DAB2: variants seen among roughly 807,000 people sequenced by gnomAD.
DAB2 encodes DAB adaptor protein 2.
Under a neutral mutation model 71.6 loss-of-function variants are expected in DAB2, and 28 were observed. The ratio of observed to expected loss-of-function variants is 0.39; its 90% CI spans 0.29 to 0.54. The LOEUF (loss-of-function observed/expected upper bound fraction) is 0.54, where lower values mean the gene tolerates loss of function less well. Ranked by LOEUF, DAB2 falls within the 20% of genes least tolerant of loss-of-function variation. DAB2 has a pLI of 0.68. For missense variants in DAB2, 867 were observed against 928.8 expected, an observed-to-expected ratio of 0.93 and a Z score of 0.86; for synonymous variants, 345 against 339.7, an observed-to-expected ratio of 1.02 and a Z score of -0.17.
In DAB2 at chr5:39,377,072, A is replaced by G. The variant is rs200003181; in HGVS notation, c.1715T>C (p.Val572Ala). 1.1e-4 allele frequency: 175 copies of G among 1,614,146 alleles called. 1 individual carries two copies. The East Asian group carries it at 2.8e-3, about 25-fold the overall frequency. ...TGCCACAGATGCAGAAGGGCCCCAG[A>G]CAACAGGCACTGGAGGGGGAGTTGA... ...AASTPPPVPVVWGPSASVAPN... is the reference protein window; with the variant it reads ...AASTPPPVPVAWGPSASVAPN... Residue 572 changes from valine to alanine, a missense_variant, in exon 12 of 15, where the codon GTC (valine) becomes GCC (alanine). Physicochemically the swap from Val to Ala is moderately conservative, Grantham distance 64 (BLOSUM62 0). Coordinates refer to ENST00000320816, the MANE Select transcript of DAB2 (RefSeq NM_001343.4).
At chr5:39,383,303 T>A in intron 9 of DAB2, 32 bp from the exon 10 acceptor site, 1 of 1,495,640 alleles carries the variant, frequency 6.7e-7, no homozygotes. Flanking sequence ...AAAAAGAAAG[T>A]GTTAGTCCAT....
At position 39,415,083 on chromosome 5, in the gene DAB2, AAGT is replaced by A. The variant is rs1372656965; in HGVS notation, c.-102+9718_-102+9720del. Among the ~76,000 whole-genome samples the A allele has an allele frequency of 2.0e-5, 3 of 152,148 alleles. No homozygotes were observed. In the East Asian group the frequency reaches 5.8e-4, roughly 29 times the overall value. The stretch of plus-strand genomic sequence containing the variant: ...AATAATACTTCATAAAAGGAAGAAA[AAGT>A]AGTATTACATCAAGGAATTATATAT... On this transcript the variant is annotated intron_variant, in intron 1 of 14. Transcript: ENST00000320816.
chr5:39,403,773 T>C (rs1755551678), intron 1 of DAB2, among the ~76,000 whole-genome samples: 1 of 151,738 alleles, frequency 6.6e-6, no homozygotes, highest in Admixed American at 6.6e-5. Context: ...TTGGCAACTT[T>C]CAATACTCTG....
At chr5:39,396,797 A>G (rs1205205232) in intron 1 of DAB2, among the ~76,000 whole-genome samples, 1 of 152,192 alleles carries the variant, frequency 6.6e-6, no homozygotes, top group Non-Finnish European at 1.5e-5. Flanking sequence ...TCTCTGAATG[A>G]AAGACAGTTG....
rs575754357 is a variant in DAB2, at chr5:39,422,639, T to C, written c.-102+2165A>G. On this transcript the variant is annotated intron_variant, in intron 1 of 14. Coordinates refer to ENST00000320816, the MANE Select transcript of DAB2 (RefSeq NM_001343.4). This position sits in a 1 kb window ranked among gnomAD's most constrained non-coding sequence, Gnocchi z 4.1. The stretch of plus-strand genomic sequence containing the variant: ...CCAGGAGCACTCAGCAAGGAAGATA[T>C]CTTCCTGCTCCCTTAACCTTCAGAT... Among the ~76,000 whole-genome samples, 3 of 152,204 alleles carry C rather than the reference T, an allele frequency of 2.0e-5. No individual in the cohort carries two copies. The highest frequency in any genetic ancestry group is 7.2e-5 in the African/African-American group (3 of 41,530).
intron 13 of DAB2, among the ~76,000 whole-genome samples, 181 bp downstream of exon 13, chr5:39,375,816 G>A (rs1366967026): frequency 1.3e-5 from 2 of 152,208 alleles, no homozygotes; most frequent in African/African-American, 4.8e-5. Flanking sequence ...AACTCAGGAA[G>A]TGGAGGTTGC....
intron 3 of DAB2, among the ~76,000 whole-genome samples, chr5:39,392,836 G>A (rs191493637): frequency 1.9e-4 from 29 of 152,250 alleles, no homozygotes; most frequent in African/African-American, 6.0e-4. Context: ...AAACAGAAAG[G>A]CTAGCGCTAA....
rs1398759028 is a variant in DAB2, at chr5:39,377,235, A to T, written c.1552T>A (p.Ser518Thr). The change falls in exon 12 of 15, where the codon TCT becomes ACT. Residue 518 changes from serine to threonine, a missense_variant. Ser to Thr is a moderately conservative substitution (Grantham distance 58). Around this residue, in one of 2 missense-constraint regions of DAB2, gnomAD observed 740 missense variants for 734.3 expected, o/e 1.01. Transcript: ENST00000320816. ...GAAGGGGACTGATTGAAGACCAAAG[A>T]TGCTGTGTTCCATGGTCCTGCCTGA... is the stretch of plus-strand genomic sequence containing the variant. ...LPQAGPWNTA[S>T]LVFNQSPSMA... 6.2e-7 allele frequency: 1 copy of T among 1,614,118 alleles called. No individual in the cohort carries two copies. Among genetic ancestry groups the T allele is most frequent in the East Asian group, 2.2e-5 (1 of 44,880 alleles).
At chr5:39,378,170 T>C (rs1754876401) in intron 11 of DAB2, among the ~76,000 whole-genome samples, 1 of 152,186 alleles carries the variant, frequency 6.6e-6, no homozygotes, top group Non-Finnish European at 1.5e-5. Flanking sequence ...GACCTTGCTA[T>C]GTCATCAGGA....
Position 39,394,391 on chromosome 5 carries a change from G to C in DAB2, c.-71C>G, listed in dbSNP as rs1050903. On this transcript the variant is annotated 5_prime_UTR_variant, in exon 2 of 15. Transcript: ENST00000320816. ...GACACCAGGCGATCCCGATGGAGAA[G>C]TCTCAAATAAACATAACCTCCCACA... 272,037 of 1,170,466 alleles carry C rather than the reference G, an allele frequency of 0.23. 32,588 individuals carry two copies. The highest frequency in any genetic ancestry group is 0.3 in the Admixed American group (17,922 of 58,954). 72.5% of individuals were successfully genotyped at this position (1,170,466 alleles called of 1,614,324 possible).
chr5:39,404,265 G>T, intron 1 of DAB2, among the ~76,000 whole-genome samples: 1 of 104,150 alleles, frequency 9.6e-6, no homozygotes, highest in Non-Finnish European at 1.9e-5. Flanking sequence ...GAGGGGGGAG[G>T]GATAGCATTA....
intron 1 of DAB2, among the ~76,000 whole-genome samples, chr5:39,407,938 C>T (rs1755643462): frequency 6.6e-6 from 1 of 152,212 alleles, no homozygotes; most frequent in Admixed American, 6.5e-5. Context: ...TCTTAAACTT[C>T]TCCTCTTCCG....
rs144820961 is a variant in DAB2, at chr5:39,395,905, T to G, written c.-101-1484A>C. On this transcript the variant is annotated intron_variant, in intron 1 of 14. Transcript: ENST00000320816. ...GTGAGTATTACTGTATCATATTTCA[T>G]TTTCCAGAGGGAAGGCTAAGACACA... 4.0e-5 allele frequency among the ~76,000 whole-genome samples: 6 copies of G among 148,646 alleles called. No homozygotes were observed. The East Asian group carries it at 1.2e-3, about 30-fold the overall frequency.
chr5:39,374,807 A>AT (rs1290061471), intron 14 of DAB2: 23 of 513,010 alleles, frequency 4.5e-5, no homozygotes, highest in Middle Eastern at 5.1e-4. Context: ...GTATATTACT[A>AT]TTTTTTGATG....
chr5:39,388,711 T>C (rs1755153973), intron 8 of DAB2, 88 bp downstream of exon 8: 14 of 1,082,070 alleles, frequency 1.3e-5, no homozygotes, highest in Non-Finnish European at 1.8e-5. Context: ...ATAGATTCAA[T>C]ACAGATTTGG....
chr5:39,419,029 G>C (rs184152223), intron 1 of DAB2, among the ~76,000 whole-genome samples: 1 of 152,272 alleles, frequency 6.6e-6, no homozygotes, highest in Admixed American at 6.5e-5. Flanking sequence ...ATCTATGTTG[G>C]CTTTTCAAAA....
At chr5:39,417,197 G>T (rs1281616069) in intron 1 of DAB2, 2 of 151,994 alleles carry the variant, frequency 1.3e-5, no homozygotes, top group Admixed American at 6.6e-5. Flanking sequence ...ACCTAATGTA[G>T]GTGATGGGTT....
chr5:39,388,260 T>C (rs1240836747), intron 9 of DAB2, 45 bp downstream of exon 9: 12 of 1,387,688 alleles, frequency 8.6e-6, no homozygotes, highest in African/African-American at 1.4e-5. Flanking sequence ...ATTTGAGTTA[T>C]AGATGTCATT....
intron 9 of DAB2, 22 bp from the exon 10 acceptor site, chr5:39,383,293 A>C: frequency 6.4e-7 from 1 of 1,557,698 alleles, no homozygotes; most frequent in South Asian, 1.2e-5. Flanking sequence ...GGAAAGAAAA[A>C]AAAAGAAAGT....
Sources: gnomAD v4.1 joint callset for allele counts (sites outside exome capture counted in the v4.1 genomes callset) on GRCh38, gnomAD v4.1.1 for gene constraint, gnomAD v4.1.1 regional missense constraint, Gnocchi (gnomAD v3.1) non-coding constraint, MANE v1.5 for transcripts, NCBI Gene and HGNC (gene_info 2026-07-23, HGNC 2026-07-21) for gene names.